Variants in CSNK2A2 observed in about 807,000 individuals in gnomAD.
The protein encoded by CSNK2A2 is casein kinase II subunit alpha'.
Under a neutral mutation model 54.0 loss-of-function variants are expected in CSNK2A2, and 8 were observed. The ratio of observed to expected loss-of-function variants is 0.15; its 90% CI spans 0.09 to 0.27. The LOEUF is 0.27. Ranked by LOEUF, CSNK2A2 falls within the 10% of genes least tolerant of loss-of-function variation. The probability of loss-of-function intolerance (pLI) is 1.00; values close to 1 mark genes in which losing one functional copy is unlikely to be tolerated. For synonymous variants in CSNK2A2, 141 were observed against 153.9 expected (o/e 0.92, Z 0.62); for missense variants, 242 against 439.4 (o/e 0.55, Z 4.02).
chr16:58,169,524 T>C (rs1961675760), intron 5 of CSNK2A2, among the ~76,000 whole-genome samples: 1 of 149,502 alleles, frequency 6.7e-6, no homozygotes, highest in Admixed American at 6.6e-5. Flanking sequence ...AGGCGGGCAG[T>C]GGGGAGGGGG....
chr16:58,183,364 C>T (rs1459139920), intron 4 of CSNK2A2, among the ~76,000 whole-genome samples: 6 of 147,676 alleles, frequency 4.1e-5, no homozygotes, highest in Middle Eastern at 7.0e-3. Flanking sequence ...GTGACAAAAG[C>T]GAAACTCGAT....
chr16:58,169,517 C>A (rs181034090), intron 5 of CSNK2A2, among the ~76,000 whole-genome samples: 1 of 150,346 alleles, frequency 6.7e-6, no homozygotes, highest in Non-Finnish European at 1.5e-5. Context: ...GCAAGAAAGG[C>A]GGGCAGTGGG....
chr16:58,172,422 G>A lies in CSNK2A2; in HGVS notation c.429+2029C>T, dbSNP rs189914553. Among the ~76,000 whole-genome samples the A allele has an allele frequency of 7.9e-5, 12 of 152,258 alleles. No homozygotes were observed. The East Asian group carries it at 1.2e-3, about 15-fold the overall frequency. On this transcript the variant is annotated intron_variant, in intron 5 of 11. Transcript: ENST00000262506. Reference sequence around the variant, plus strand: ...AATCAGGAGATCAGGTTAAGTCACCGAGTCATCACACTGCAGCCCTCAGCC... The same window carrying A: ...AATCAGGAGATCAGGTTAAGTCACCAAGTCATCACACTGCAGCCCTCAGCC...
chr16:58,171,260 C>T (rs1467258987), intron 5 of CSNK2A2, among the ~76,000 whole-genome samples: 1 of 152,094 alleles, frequency 6.6e-6, no homozygotes, highest in African/African-American at 2.4e-5. Context: ...CGTGGTGGCT[C>T]ACGCCTGTAA....
chr16:58,192,510 C>T (rs1005939859), intron 2 of CSNK2A2: 5 of 151,882 alleles, frequency 3.3e-5, no homozygotes, highest in African/African-American at 1.2e-4. Context: ...AGCAGCATTT[C>T]ATTGAAGCAT....
At chr16:58,195,434 A>C (rs1962416914) in intron 2 of CSNK2A2, among the ~76,000 whole-genome samples, 1 of 152,190 alleles carries the variant, frequency 6.6e-6, no homozygotes, top group African/African-American at 2.4e-5. Flanking sequence ...CCCTCACATT[A>C]AACAGGGATT....
intron 6 of CSNK2A2, 89 bp downstream of exon 6, chr16:58,168,521 G>A: frequency 9.5e-7 from 1 of 1,054,474 alleles, no homozygotes; most frequent in South Asian, 1.5e-5. Context: ...CCCACCACGG[G>A]TCTACAGAAA....
intron 5 of CSNK2A2, among the ~76,000 whole-genome samples, chr16:58,171,151 G>A (rs1047504967): frequency 6.6e-6 from 1 of 152,144 alleles, no homozygotes; most frequent in Non-Finnish European, 1.5e-5. Context: ...ACAAGGCAGA[G>A]AATGAGCCCT....
chr16:58,185,376 T>A (rs74019832), intron 3 of CSNK2A2, among the ~76,000 whole-genome samples: 10,712 of 152,250 alleles, frequency 0.07, 481 homozygotes, highest in South Asian at 0.21. Flanking sequence ...AGCCTGACCT[T>A]CTAATAGACA....
In CSNK2A2 at chr16:58,180,371, GTT is replaced by G. The variant is rs66464636; in HGVS notation, c.369+3887_369+3888del. ...AAAGGATAACTACAGATACTCCAGA[GTT>G]TTTTTTTTTTTTTGTGACCAGTCAA... On this transcript the variant is annotated intron_variant, in intron 4 of 11. Coordinates refer to ENST00000262506, the MANE Select transcript of CSNK2A2 (RefSeq NM_001896.4). Among the ~76,000 whole-genome samples the G allele has an allele frequency of 6.5e-4, 91 of 141,070 alleles. 1 individual carries two copies. In the South Asian group the frequency reaches 9.0e-3, roughly 14 times the overall value. The allele number at this position is 141,070 out of a possible 152,430, so 92.5% of individuals were successfully genotyped here.
At chr16:58,165,511 T>G (rs778042865) in intron 10 of CSNK2A2, 49 bp downstream of exon 10, 23 of 1,522,268 alleles carry the variant, frequency 1.5e-5, no homozygotes, top group Non-Finnish European at 1.9e-5. Context: ...AGTGGAAGAT[T>G]TGTTCTCTTG....
At position 58,186,795 on chromosome 16, in the gene CSNK2A2, G is replaced by C. The variant is rs1962204430; in HGVS notation, c.278C>G (p.Thr93Arg). Reference sequence around the variant, plus strand: ...AGTGTCAATCAGCTTAATGATATTTGTTCCACCACGAAGGTTCTCCAGAAT... The same window carrying C: ...AGTGTCAATCAGCTTAATGATATTTCTTCCACCACGAAGGTTCTCCAGAAT... ...VKILENLRGG[T>R]NIIKLIDTVK... Residue 93 changes from threonine (T) to arginine (R), a missense_variant, in exon 3 of 12, where the codon ACA (threonine) becomes AGA (arginine). By Grantham distance (71) the Thr-to-Arg change is moderately conservative. This residue lies in a region of CSNK2A2 where 69 missense variants were observed against 97.0 expected (regional missense o/e 0.71). Coordinates refer to ENST00000262506, the MANE Select transcript of CSNK2A2 (RefSeq NM_001896.4). 1.9e-6 allele frequency: 3 copies of C among 1,614,060 alleles called. No homozygotes were observed. The highest frequency in any genetic ancestry group is 2.5e-6 in the Non-Finnish European group (3 of 1,179,970).
intron 2 of CSNK2A2, among the ~76,000 whole-genome samples, chr16:58,193,459 T>C (rs1962363695): frequency 6.6e-6 from 1 of 152,230 alleles, no homozygotes; most frequent in South Asian, 2.1e-4. Context: ...AATCTGTTTA[T>C]AAAATAAGAC....
chr16:58,166,655 T>C lies in CSNK2A2; in HGVS notation c.756A>G (p.Thr252=). The change falls in exon 9 of 12, where the codon ACA becomes ACG. Residue 252 remains threonine (T), a synonymous_variant. Transcript: ENST00000262506. ...QLVRIAKVLG[T]EELYGYLKKY... ...TCTTCAGATACCCATACAGTTCTTC[T>C]GTACCCAGAACCTTGGCAATGCGAA... The C allele has an allele frequency of 6.2e-7, 1 of 1,613,992 alleles. No individual in the cohort carries two copies. The highest frequency in any genetic ancestry group is 1.1e-5 in the South Asian group (1 of 91,080).
chr16:58,177,175 A>C (rs1330895511), intron 4 of CSNK2A2, among the ~76,000 whole-genome samples: 1 of 152,204 alleles, frequency 6.6e-6, no homozygotes. Flanking sequence ...TGTCTTGCAT[A>C]CATGTTTTTA....
intron 2 of CSNK2A2, among the ~76,000 whole-genome samples, chr16:58,194,924 TAA>T (rs34830080): frequency 4.8e-5 from 7 of 145,390 alleles, no homozygotes; most frequent in African/African-American, 2.6e-5. Flanking sequence ...GCTGTTCCTT[TAA>T]AAAAAAAAAA....
At chr16:58,171,969 ATATATATATATT>A (rs1961750579) in intron 5 of CSNK2A2, among the ~76,000 whole-genome samples, 1 of 28,350 alleles carries the variant, frequency 3.5e-5, no homozygotes, top group African/African-American at 2.0e-4. Flanking sequence ...ATATATATAT[ATATATATATATT>A]TTTTTTTTTT....
intron 2 of CSNK2A2, among the ~76,000 whole-genome samples, chr16:58,187,579 TA>T (rs1423905890): frequency 6.6e-6 from 1 of 152,224 alleles, no homozygotes; most frequent in African/African-American, 2.4e-5. Context: ...CTCCTTGTCT[TA>T]AATGAGTTAA....
chr16:58,196,965 T>G (rs1962471234), intron 1 of CSNK2A2, 121 bp from the exon 2 acceptor site: 8 of 739,818 alleles, frequency 1.1e-5, no homozygotes, highest in Non-Finnish European at 2.0e-5. Flanking sequence ...ATACATCACG[T>G]CACAACTCAT....
Sources: allele counts gnomAD v4.1 joint callset (sites outside exome capture counted in the v4.1 genomes callset), GRCh38; gene constraint gnomAD v4.1.1; regional missense constraint gnomAD v4.1.1; transcripts MANE v1.5; gene names NCBI Gene and HGNC (gene_info 2026-07-23, HGNC 2026-07-21).